DDX49: variants seen among roughly 807,000 people sequenced by gnomAD.
DDX49 encodes the protein DEAD-box helicase 49.
DDX49 carries 50 observed loss-of-function variants against 56.3 expected under a neutral mutation model. The ratio of observed to expected loss-of-function variants is 0.89; its 90% CI spans 0.71 to 1.12. The LOEUF (loss-of-function observed/expected upper bound fraction) is 1.12. Among genes scored for constraint, DDX49 ranks in the 50% most tolerant of loss-of-function variants. The pLI, the probability that DDX49 is intolerant of heterozygous loss-of-function variation, is 0.00. For synonymous variants in DDX49, 269 were observed against 270.6 expected (o/e 0.99, Z 0.06); for missense variants, 614 against 650.5 (o/e 0.94, Z 0.61).
Position 18,927,838 on chromosome 19 carries a change from G to A in DDX49, c.1175G>A (p.Arg392Gln), listed in dbSNP as rs761016118. Residue 392 changes from arginine to glutamine, a missense_variant, in exon 11 of 13, where the codon CGA becomes CAA. By Grantham distance (43) the Arg-to-Gln change is conservative. Coordinates refer to ENST00000247003, the MANE Select transcript of DDX49 (RefSeq NM_019070.5). ...ATCCTCACACAGGTCAACGTGGTGC[G>A]AAGAGAGTGTGAGATCGTGAGTGTC... ...LQILTQVNVVRRECEIKLEAA... is the reference protein window; with the variant it reads ...LQILTQVNVVQRECEIKLEAA... 4.3e-6 allele frequency: 7 copies of A among 1,614,050 alleles called. No individual in the cohort carries two copies. The highest frequency in any genetic ancestry group is 2.2e-5 in the East Asian group (1 of 44,840).
intron 10 of DDX49, among the ~76,000 whole-genome samples, chr19:18,927,262 C>G (rs739577): frequency 4.0e-5 from 6 of 151,698 alleles, no homozygotes; most frequent in African/African-American, 1.2e-4. Flanking sequence ...AGCACACGCC[C>G]GTAGTTCCAA....
intron 9 of DDX49, among the ~76,000 whole-genome samples, 164 bp from the exon 10 acceptor site, chr19:18,926,139 C>G (rs2056958708): frequency 6.6e-6 from 1 of 152,232 alleles, no homozygotes; most frequent in African/African-American, 2.4e-5. Flanking sequence ...ACACAGTGGT[C>G]CTGCTTGGGG....
rs772104304 is a variant in DDX49 at position 18,920,598 on chromosome 19, G to A, written c.134G>A (p.Cys45Tyr). The change falls in exon 2 of 13, where the codon TGT becomes TAT. Residue 45 changes from cysteine (C) to tyrosine (Y), a missense_variant. By Grantham distance (194) the Cys-to-Tyr change is radical. Transcript: ENST00000247003. ...AILEGRDCLGCAKTGSGKTAA... is the reference protein window; with the variant it reads ...AILEGRDCLGYAKTGSGKTAA... Reference sequence around the variant, plus strand: ...AACCCAGGTCGAGACTGCTTGGGCTGTGCTAAGACAGGCAGTGGGAAGACA... The same window carrying A: ...AACCCAGGTCGAGACTGCTTGGGCTATGCTAAGACAGGCAGTGGGAAGACA... 2 of 1,609,822 alleles carry A rather than the reference G, an allele frequency of 1.2e-6. No individual in the cohort carries two copies. The highest frequency in any genetic ancestry group is 1.7e-6 in the Non-Finnish European group (2 of 1,176,416).
At chr19:18,928,084 C>A (rs770847515) in intron 12 of DDX49, 44 bp from the exon 13 acceptor site, 7 of 1,607,870 alleles carry the variant, frequency 4.4e-6, no homozygotes, top group East Asian at 2.2e-5. Context: ...GGTTCCCTGG[C>A]GGGGGCCGCC....
At position 18,924,945 on chromosome 19, in the gene DDX49, C is replaced by T. The variant is rs760140411; in HGVS notation, c.993C>T (p.Ile331=). 6.2e-7 allele frequency: 1 copy of T among 1,612,620 alleles called. No individual in the cohort carries two copies. The highest frequency in any genetic ancestry group is 8.5e-7 in the Non-Finnish European group (1 of 1,179,990). Residue 331 remains isoleucine, a synonymous_variant, in exon 9 of 13, where the codon ATC becomes ATT. Coordinates refer to ENST00000247003, the MANE Select transcript of DDX49 (RefSeq NM_019070.5). ...ACAACACCCCCGGGCTCCCCAAGATCTACATCCACCGAGTCGGCCGGACGG... is the reference window on the plus strand; with the variant it reads ...ACAACACCCCCGGGCTCCCCAAGATTTACATCCACCGAGTCGGCCGGACGG... ...INHNTPGLPK[I]YIHRVGRTAR... is the part of the protein sequence containing the mutation.
chr19:18,922,760 C>T lies in DDX49; in HGVS notation c.776+16C>T, dbSNP rs767988146. Reference sequence around the variant, plus strand: ...ACACGTGCAAGTGAGCGGGGCCCGCCTCTCCCCTCCCACCGCCCTTCAAAG... The same window carrying T: ...ACACGTGCAAGTGAGCGGGGCCCGCTTCTCCCCTCCCACCGCCCTTCAAAG... On this transcript the variant is annotated intron_variant, in intron 6 of 12. Coordinates refer to ENST00000247003, the MANE Select transcript of DDX49 (RefSeq NM_019070.5). 2 of 1,606,396 alleles carry T rather than the reference C, an allele frequency of 1.2e-6. No individual in the cohort carries two copies. Among genetic ancestry groups the T allele is most frequent in the East Asian group, 2.2e-5 (1 of 44,680 alleles).
Position 18,924,261 on chromosome 19 carries a change from C to A in DDX49, c.805C>A (p.Arg269Ser). ...CTGCCAGATTCTGTGCATGATGCTG[C>A]GCAAATTCAGCTTCCCCACCGTGGC... Reference protein sequence around the residue: ...KTCQILCMMLRKFSFPTVALH... With the variant: ...KTCQILCMMLSKFSFPTVALH... Residue 269 changes from arginine to serine, a missense_variant, in exon 7 of 13, where the codon CGC becomes AGC. Transcript: ENST00000247003. 6.2e-7 allele frequency: 1 copy of A among 1,613,952 alleles called. No individual in the cohort carries two copies. The highest frequency in any genetic ancestry group is 8.5e-7 in the Non-Finnish European group (1 of 1,180,000).
chr19:18,922,819 C>CA (rs2056930551), intron 6 of DDX49, 75 bp downstream of exon 6: 1 of 1,545,600 alleles, frequency 6.5e-7, no homozygotes. Context: ...GTCTGGGACA[C>CA]ACAGCCAGTC....
At position 18,927,815 on chromosome 19, in the gene DDX49, C is replaced by A; in HGVS notation, c.1152C>A (p.Ile384=). 1 of 1,613,912 alleles carries A rather than the reference C, an allele frequency of 6.2e-7. No individual in the cohort carries two copies. Among genetic ancestry groups the A allele is most frequent in the Non-Finnish European group, 8.5e-7 (1 of 1,179,980 alleles). Residue 384 remains isoleucine, a synonymous_variant, in exon 11 of 13, where the codon ATC becomes ATA. Transcript: ENST00000247003. Reference sequence around the variant, plus strand: ...TGGAAGAGGCCGAGGTGCTACAGATCCTCACACAGGTCAACGTGGTGCGAA... The same window carrying A: ...TGGAAGAGGCCGAGGTGCTACAGATACTCACACAGGTCAACGTGGTGCGAA... The part of the protein sequence containing the change: ...FSVEEAEVLQ[I]LTQVNVVRRE...
At chr19:18,924,520 C>T (rs1201295411) in intron 7 of DDX49, 103 bp from the exon 8 acceptor site, 1 of 1,346,530 alleles carries the variant, frequency 7.4e-7, no homozygotes, top group African/African-American at 1.5e-5. Context: ...CCACCTTCCT[C>T]AATGGACGGC....
chr19:18,921,595 T>C, intron 2 of DDX49, 68 bp from the exon 3 acceptor site: 1 of 1,449,568 alleles, frequency 6.9e-7, no homozygotes, highest in Non-Finnish European at 9.7e-7. Context: ...ACCCTGGGGA[T>C]GGAGAGGGGA....
chr19:18,922,538 G>A (rs878998369), intron 5 of DDX49, 25 bp downstream of exon 5: 4 of 1,597,672 alleles, frequency 2.5e-6, no homozygotes, highest in Non-Finnish European at 3.4e-6. Context: ...CAGACAGCGT[G>A]GGGAGGGCAG....
intron 6 of DDX49, 105 bp downstream of exon 6, chr19:18,922,849 G>A (rs1367178722): frequency 7.0e-6 from 10 of 1,435,214 alleles, no homozygotes; most frequent in Non-Finnish European, 9.5e-6. Flanking sequence ...CCCAGCCTCT[G>A]CTCAGCCTGG....
At chr19:18,925,118 T>G (rs1381740809) in intron 9 of DDX49, 139 bp downstream of exon 9, 5 of 1,209,644 alleles carry the variant, frequency 4.1e-6, no homozygotes, top group Non-Finnish European at 5.6e-6. Flanking sequence ...TGGGGAGTTG[T>G]CCTTTCTAAA....
At chr19:18,927,742 C>T in intron 10 of DDX49, 24 bp from the exon 11 acceptor site, 2 of 1,599,974 alleles carry the variant, frequency 1.3e-6, no homozygotes, top group Non-Finnish European at 1.7e-6. Flanking sequence ...CCCACCCCCA[C>T]CCCCGGCTTT....
In DDX49 at chr19:18,928,154, G is replaced by A; in HGVS notation, c.1290G>A (p.Lys430=). Residue 430 remains lysine, a synonymous_variant, in exon 13 of 13, where the codon AAG becomes AAA. Transcript: ENST00000247003. ...ACCCTGACCTGGAGGCCAAGCGCAA[G>A]GCTGAGCTGGCCAAGATCAAGCAGA... ...GKDPDLEAKR[K]AELAKIKQKN... The A allele has an allele frequency of 6.3e-7, 1 of 1,599,232 alleles. No homozygotes were observed. Among genetic ancestry groups the A allele is most frequent in the South Asian group, 1.1e-5 (1 of 89,758 alleles).
At chr19:18,925,151 C>A in intron 9 of DDX49, 172 bp downstream of exon 9, 3 of 984,262 alleles carry the variant, frequency 3.0e-6, no homozygotes, top group South Asian at 3.5e-5. Flanking sequence ...CCCAGCTACT[C>A]GGGAGGCTGA....
intron 7 of DDX49, 143 bp downstream of exon 7, chr19:18,924,451 C>T: frequency 9.3e-7 from 1 of 1,072,880 alleles, no homozygotes; most frequent in Non-Finnish European, 1.4e-6. Flanking sequence ...CTCAAGAGGC[C>T]CTCCCTGACC....
At chr19:18,921,493 G>A (rs952298919) in intron 2 of DDX49, among the ~76,000 whole-genome samples, 170 bp from the exon 3 acceptor site, 2 of 152,226 alleles carry the variant, frequency 1.3e-5, no homozygotes, top group African/African-American at 4.8e-5. Flanking sequence ...AGCCTGGCGA[G>A]GGGGCAGGGG....
Sources: gnomAD v4.1 joint callset for allele counts (sites outside exome capture counted in the v4.1 genomes callset) on GRCh38, gnomAD v4.1.1 for gene constraint, MANE v1.5 for transcripts, NCBI Gene and HGNC (gene_info 2026-07-23, HGNC 2026-07-21) for gene names.